NOC3L: variants seen among roughly 807,000 people sequenced by gnomAD.
The protein encoded by NOC3L is nucleolar complex protein 3 homolog.
Under a neutral mutation model 102.5 loss-of-function variants are expected in NOC3L, and 85 were observed. That is an observed-to-expected ratio of 0.83 (90% CI 0.70 to 0.99). The LOEUF (loss-of-function observed/expected upper bound fraction) is 0.99. Among genes scored for constraint, NOC3L ranks in the 50% least tolerant of loss-of-function variants. NOC3L has a pLI of 0.00. For missense variants in NOC3L, 878 were observed against 914.9 expected, an observed-to-expected ratio of 0.96 and a Z score of 0.52; for synonymous variants, 303 against 309.4, an observed-to-expected ratio of 0.98 and a Z score of 0.22.
At chr10:94,340,370 A>C in intron 15 of NOC3L, 23 bp from the exon 16 acceptor site, 1 of 1,611,414 alleles carries the variant, frequency 6.2e-7, no homozygotes, top group Non-Finnish European at 8.5e-7. Context: ...AACAAACACC[A>C]ATTAGGTATG....
Position 94,344,514 on chromosome 10 carries a change from T to C in NOC3L, c.1472A>G (p.His491Arg). The change falls in exon 13 of 21, where the codon CAC becomes CGC. Residue 491 changes from histidine to arginine, a missense_variant and splice_region_variant. Transcript: ENST00000371361. ...SESTEKKLKL[H>R]TETLNIVFVT... ...AAACACAATATTCAGAGTCTCTGTG[T>C]GCTGGCAGAGGAGACAGACAAAATG... 6.2e-7 allele frequency: 1 copy of C among 1,607,326 alleles called. No individual in the cohort carries two copies. Among genetic ancestry groups the C allele is most frequent in the South Asian group, 1.1e-5 (1 of 90,710 alleles).
At chr10:94,318,733 G>C in the NOC3L span, among the ~76,000 whole-genome samples, 1 of 152,166 alleles carries the variant, frequency 6.6e-6, no homozygotes, top group East Asian at 1.9e-4. Flanking sequence ...AGAGGAGCTG[G>C]GGAGGTGAGG....
At chr10:94,345,363 G>A (rs2054331216) in intron 11 of NOC3L, among the ~76,000 whole-genome samples, 1 of 151,494 alleles carries the variant, frequency 6.6e-6, no homozygotes, top group South Asian at 2.1e-4. Flanking sequence ...TCTATAACTT[G>A]GAAGCCAGTC....
chr10:94,330,804 C>CAGCT (rs1173695828), downstream of NOC3L: 1 of 151,754 alleles, frequency 6.6e-6, no homozygotes, highest in Non-Finnish European at 1.5e-5. Flanking sequence ...CTGAATTAAA[C>CAGCT]AGCTATATTA....
At position 94,361,753 on chromosome 10, in the gene NOC3L, T is replaced by A; in HGVS notation, c.129A>T (p.Arg43=). Residue 43 remains arginine, a synonymous_variant, in exon 2 of 21, where the codon CGA becomes CGT. Coordinates refer to ENST00000371361, the MANE Select transcript of NOC3L (RefSeq NM_022451.11). Reference sequence around the variant, plus strand: ...CTTGCCTTAGTTTCCTCTGTTCTTTTCGGTACTTCTTGAGAGTGCTTTGTT... The same window carrying A: ...CTTGCCTTAGTTTCCTCTGTTCTTTACGGTACTTCTTGAGAGTGCTTTGTT... ...FKQQSTLKKY[R]KEQRKLRQAV... is the part of the protein sequence containing the mutation. 1 of 1,614,168 alleles carries A rather than the reference T, an allele frequency of 6.2e-7. No homozygotes were observed. The highest frequency in any genetic ancestry group is 8.5e-7 in the Non-Finnish European group (1 of 1,180,026).
At chr10:94,357,899 A>G (rs1249348807) in intron 3 of NOC3L, 184 bp downstream of exon 3, 1 of 574,642 alleles carries the variant, frequency 1.7e-6, no homozygotes, top group African/African-American at 1.9e-5. Flanking sequence ...AAAGATGTAC[A>G]TTAAATGAAA....
the NOC3L span, chr10:94,316,504 A>G: frequency 3.9e-6 from 5 of 1,269,142 alleles, no homozygotes; most frequent in Non-Finnish European, 5.8e-6. Flanking sequence ...ATTTGTTTTA[A>G]GTTTTTGCCT....
intron 19 of NOC3L, among the ~76,000 whole-genome samples, chr10:94,336,354 G>GT (rs796077651): frequency 0.03 from 4,328 of 144,268 alleles, 133 homozygotes; most frequent in African/African-American, 0.078. Context: ...ATAAATTTCT[G>GT]TTTTTTTTTT....
At position 94,361,858 on chromosome 10, in the gene NOC3L, T is replaced by C; in HGVS notation, c.24A>G (p.Lys8=). The C allele has an allele frequency of 6.2e-7, 1 of 1,608,284 alleles. No individual in the cohort carries two copies. The highest frequency in any genetic ancestry group is 8.5e-7 in the Non-Finnish European group (1 of 1,176,526). MKARRNK[K]QIPSFRKLIK... is the part of the protein sequence containing the mutation. ...TTAACTTGCGAAAGCTTGGGATCTG[T>C]TTTTTATTTCTTCTCTAGAAAATAA... The change falls in exon 2 of 21, where the codon AAA becomes AAG. Residue 8 remains lysine, a synonymous_variant. Transcript: ENST00000371361.
intron 3 of NOC3L, 96 bp from the exon 4 acceptor site, chr10:94,357,427 A>T: frequency 1.9e-6 from 2 of 1,073,712 alleles, no homozygotes; most frequent in East Asian, 2.8e-5. Context: ...CCACCAGCCA[A>T]CTTTCAATAG....
At chr10:94,323,440 A>G in the NOC3L span, among the ~76,000 whole-genome samples, 1 of 152,202 alleles carries the variant, frequency 6.6e-6, no homozygotes, top group Non-Finnish European at 1.5e-5. Context: ...CTCTTTGTAA[A>G]AGAAAGATAA....
At position 94,361,852 on chromosome 10, in the gene NOC3L, G is replaced by A. The variant is rs17854590; in HGVS notation, c.30C>T (p.Ile10=). 8.6e-4 allele frequency: 1,381 copies of A among 1,611,020 alleles called. 6 individuals carry two copies. The highest frequency in any genetic ancestry group is 4.1e-3 in the Middle Eastern group (25 of 6,052). The stretch of plus-strand genomic sequence containing the variant: ...TTTTTATTAACTTGCGAAAGCTTGG[G>A]ATCTGTTTTTTATTTCTTCTCTAGA... MKARRNKKQ[I]PSFRKLIKTS... Residue 10 remains isoleucine (I), a synonymous_variant, in exon 2 of 21, where the codon ATC becomes ATT. Transcript: ENST00000371361.
the NOC3L span, among the ~76,000 whole-genome samples, chr10:94,320,538 G>A: frequency 2.6e-5 from 4 of 152,258 alleles, no homozygotes; most frequent in East Asian, 3.9e-4. Context: ...CCAAGATAGC[G>A]ACAGCAACTC....
rs535959943 is a variant in NOC3L at position 94,358,160 on chromosome 10, C to T, written c.273G>A (p.Met91Ile). 1.8e-5 allele frequency: 29 copies of T among 1,611,162 alleles called. No homozygotes were observed. Among genetic ancestry groups the T allele is most frequent in the Non-Finnish European group, 2.5e-5 (29 of 1,178,254 alleles). The change falls in exon 3 of 21, where the codon ATG (methionine) becomes ATA (isoleucine). Residue 91 changes from methionine to isoleucine, a missense_variant. Coordinates refer to ENST00000371361, the MANE Select transcript of NOC3L (RefSeq NM_022451.11). ...TTAACTGTAAGTCATCTTCATCCAT[C>T]ATATCTAAAGGAAGGGCTTCTTCTT... is the stretch of plus-strand genomic sequence containing the variant. ...EEEEEALPLD[M>I]MDEDDLQLMK...
At chr10:94,321,760 G>GAAAT in the NOC3L span, 7 of 653,440 alleles carry the variant, frequency 1.1e-5, no homozygotes, top group Admixed American at 1.8e-4. Context: ...AACAGTTTAT[G>GAAAT]AAATAATAAC....
intron 13 of NOC3L, among the ~76,000 whole-genome samples, chr10:94,343,198 T>A: frequency 6.6e-6 from 1 of 152,198 alleles, no homozygotes; most frequent in East Asian, 1.9e-4. Context: ...ATTTTTTAAA[T>A]GACCATATAT....
At chr10:94,337,716 C>A in intron 19 of NOC3L, 61 bp downstream of exon 19, 2 of 1,109,632 alleles carry the variant, frequency 1.8e-6, no homozygotes, top group South Asian at 2.7e-5. Context: ...ACAGTCTTCT[C>A]ATAGTAAGTG....
At chr10:94,337,985 C>T in intron 18 of NOC3L, 111 bp from the exon 19 acceptor site, 2 of 671,732 alleles carry the variant, frequency 3.0e-6, no homozygotes, top group Non-Finnish European at 5.1e-6. Context: ...TTTTTCATCA[C>T]CTATGTACAG....
At chr10:94,327,545 A>T in the NOC3L span, among the ~76,000 whole-genome samples, 2 of 152,198 alleles carry the variant, frequency 1.3e-5, no homozygotes, top group Admixed American at 1.3e-4. Context: ...GAGCAAAAAG[A>T]AAGTTAGTTT....
Sources: gnomAD v4.1 joint callset for allele counts (sites outside exome capture counted in the v4.1 genomes callset) on GRCh38, gnomAD v4.1.1 for gene constraint, MANE v1.5 for transcripts, NCBI Gene and HGNC (gene_info 2026-07-23, HGNC 2026-07-21) for gene names.